FAM13A: variants seen among roughly 807,000 people sequenced by gnomAD.
The protein encoded by FAM13A is family with sequence similarity 13 member A, also known as protein FAM13A.
A neutral mutation model predicts 129.6 loss-of-function variants in FAM13A; 76 were observed. The observed-to-expected ratio is 0.59, with a 90% confidence interval of 0.49 to 0.71. The LOEUF is 0.71. Among genes scored for constraint, FAM13A ranks in the 30% least tolerant of loss-of-function variants. The probability of loss-of-function intolerance (pLI) is 0.00; values close to 1 mark genes in which losing one functional copy is unlikely to be tolerated. For synonymous variants in FAM13A, 443 were observed against 449.9 expected (o/e 0.98, Z 0.20); for missense variants, 1,108 against 1,249.3 (o/e 0.89, Z 1.70).
chr4:88,790,171 C>T (rs541200314), intron 9 of FAM13A, among the ~76,000 whole-genome samples: 3 of 152,180 alleles, frequency 2.0e-5, no homozygotes, highest in African/African-American at 7.2e-5. Flanking sequence ...TAACATGCGC[C>T]TGACGTGTTG....
chr4:88,888,355 C>A (rs1005227086), intron 6 of FAM13A, among the ~76,000 whole-genome samples: 2 of 152,156 alleles, frequency 1.3e-5, no homozygotes, highest in African/African-American at 4.8e-5. Flanking sequence ...AATCTTCTGC[C>A]AGTGGGATTC....
rs1423524480 is a variant in FAM13A at position 88,781,242 on chromosome 4, CA to C, written c.1380del (p.Gly461GlufsTer26). 1.2e-6 allele frequency: 2 copies of C among 1,612,566 alleles called. No individual in the cohort carries two copies. ...EKVHKNTFGC[A>X]GERSKPKRQK... ...TGACGTTTAGGCTTGCTCCTTTCTC[CA>C]GCACAACCAAAAGTATTTTTGTGTA... On this transcript the variant is annotated frameshift_variant, in exon 11 of 24. Transcript: ENST00000264344. LOFTEE classifies it high-confidence loss of function.
At chr4:88,907,628 G>C (rs1748381244) in intron 5 of FAM13A, among the ~76,000 whole-genome samples, 1 of 152,128 alleles carries the variant, frequency 6.6e-6, no homozygotes, top group Non-Finnish European at 1.5e-5. Flanking sequence ...TATGAGCTAG[G>C]AACTATTATC....
intron 4 of FAM13A, among the ~76,000 whole-genome samples, chr4:88,946,432 CAA>C (rs1202295445): frequency 7.3e-6 from 1 of 137,440 alleles, no homozygotes; most frequent in Non-Finnish European, 1.5e-5. Flanking sequence ...TTGGTGACAC[CAA>C]AAACTTCATT....
intron 4 of FAM13A, among the ~76,000 whole-genome samples, chr4:88,953,390 G>T (rs1757254866): frequency 6.6e-6 from 1 of 152,172 alleles, no homozygotes; most frequent in South Asian, 2.1e-4. Flanking sequence ...AGAAGGCGGA[G>T]GTTGCAGTGA....
intron 7 of FAM13A, among the ~76,000 whole-genome samples, chr4:88,814,613 C>T (rs953746705): frequency 1.3e-5 from 2 of 152,154 alleles, no homozygotes; most frequent in African/African-American, 2.4e-5. Flanking sequence ...ATGGTCTACT[C>T]AGGCCAGCAT....
intron 4 of FAM13A, among the ~76,000 whole-genome samples, chr4:88,946,313 G>A (rs1755845565): frequency 6.6e-6 from 1 of 151,156 alleles, no homozygotes; most frequent in Non-Finnish European, 1.5e-5. Flanking sequence ...TCTGTCCGGT[G>A]TGCTCTTGTG....
intron 10 of FAM13A, among the ~76,000 whole-genome samples, chr4:88,784,424 G>A (rs930612823): frequency 6.6e-6 from 1 of 152,028 alleles, no homozygotes; most frequent in African/African-American, 2.4e-5. Context: ...ATTCCTTCCT[G>A]CAATATTCTG....
chr4:88,853,272 A>G (rs1296933343), intron 6 of FAM13A, among the ~76,000 whole-genome samples: 1 of 152,194 alleles, frequency 6.6e-6, no homozygotes, highest in Non-Finnish European at 1.5e-5. Context: ...GTTCTGAAAT[A>G]TGTATACACT....
intron 19 of FAM13A, among the ~76,000 whole-genome samples, chr4:88,740,013 A>G (rs1484735497): frequency 6.6e-6 from 1 of 151,942 alleles, no homozygotes; most frequent in East Asian, 1.9e-4. Context: ...ATCATACTCA[A>G]CTCCCTGGTA....
At chr4:88,767,743 A>C in intron 12 of FAM13A, 148 bp from the exon 13 acceptor site, 1 of 731,580 alleles carries the variant, frequency 1.4e-6, no homozygotes, top group South Asian at 2.1e-5. Context: ...AACACAAAAC[A>C]AAAAATTAAT....
At chr4:88,924,796 A>T (rs1181573767) in intron 5 of FAM13A, among the ~76,000 whole-genome samples, 1 of 151,362 alleles carries the variant, frequency 6.6e-6, no homozygotes, top group Non-Finnish European at 1.5e-5. Context: ...AATTTTTGCA[A>T]CCTACTCATC....
chr4:88,849,312 T>C (rs1290104895), intron 7 of FAM13A, among the ~76,000 whole-genome samples: 1 of 152,216 alleles, frequency 6.6e-6, no homozygotes, highest in Non-Finnish European at 1.5e-5. Flanking sequence ...TCTTCTAATC[T>C]ATCCTGCACA....
chr4:89,047,273 T>TG (rs35061451), intron 1 of FAM13A, among the ~76,000 whole-genome samples: 10 of 152,060 alleles, frequency 6.6e-5, no homozygotes, highest in African/African-American at 1.7e-4. Context: ...TGGTTTTTTT[T>TG]GGGGGGGTTG....
intron 3 of FAM13A, among the ~76,000 whole-genome samples, chr4:89,015,434 C>T (rs1297235215): frequency 6.6e-6 from 1 of 152,140 alleles, no homozygotes; most frequent in Non-Finnish European, 1.5e-5. Flanking sequence ...CCCCCGGACA[C>T]CCAGCTTTAA....
intron 6 of FAM13A, among the ~76,000 whole-genome samples, chr4:88,903,747 A>C (rs1191036810): frequency 6.6e-6 from 1 of 152,226 alleles, no homozygotes; most frequent in African/African-American, 2.4e-5. Context: ...CACCAAAAGC[A>C]ATTGCAACAT....
intron 7 of FAM13A, among the ~76,000 whole-genome samples, chr4:88,849,965 C>G (rs577398355): frequency 6.6e-6 from 1 of 152,254 alleles, no homozygotes; most frequent in East Asian, 1.9e-4. Context: ...CTTTCTCTTC[C>G]TATCTAAATT....
intron 3 of FAM13A, among the ~76,000 whole-genome samples, chr4:89,004,577 C>A (rs1156447016): frequency 6.6e-6 from 1 of 152,146 alleles, no homozygotes; most frequent in Non-Finnish European, 1.5e-5. Flanking sequence ...CCTTTCTAAT[C>A]ATAAGGCAGG....
At chr4:88,931,062 A>T (rs1160135545) in intron 5 of FAM13A, among the ~76,000 whole-genome samples, 1 of 152,050 alleles carries the variant, frequency 6.6e-6, no homozygotes, top group Non-Finnish European at 1.5e-5. Flanking sequence ...TCAGGCAAGA[A>T]GCCTGGACAA....
Sources: allele counts gnomAD v4.1 joint callset (sites outside exome capture counted in the v4.1 genomes callset), GRCh38; gene constraint gnomAD v4.1.1; transcripts MANE v1.5; gene names NCBI Gene and HGNC (gene_info 2026-07-23, HGNC 2026-07-21).